STIM1: variants seen among roughly 807,000 people sequenced by gnomAD.
STIM1 encodes the protein stromal interaction molecule 1.
In STIM1, 25 loss-of-function variants were observed where a neutral mutation model predicts 74.7. The ratio of observed to expected loss-of-function variants is 0.33; its 90% CI spans 0.24 to 0.47. The LOEUF (loss-of-function observed/expected upper bound fraction) is 0.47. Among genes scored for constraint, STIM1 ranks in the 20% least tolerant of loss-of-function variants. STIM1 has a pLI of 1.00. For missense variants in STIM1, 728 were observed against 920.8 expected, an observed-to-expected ratio of 0.79 and a Z score of 2.71; for synonymous variants, 328 against 348.8, an observed-to-expected ratio of 0.94 and a Z score of 0.66.
At chr11:3,907,372 T>C (rs563550065) in intron 1 of STIM1, among the ~76,000 whole-genome samples, 136 of 152,354 alleles carry the variant, frequency 8.9e-4, no homozygotes, top group Non-Finnish European at 1.4e-3. Flanking sequence ...TCTAACCTCT[T>C]AATTAACATT....
intron 1 of STIM1, among the ~76,000 whole-genome samples, chr11:3,904,681 G>A (rs988846779): frequency 5.3e-5 from 8 of 152,110 alleles, no homozygotes; most frequent in Non-Finnish European, 8.8e-5. Context: ...GTGGTCATGG[G>A]GGTTGATTTA....
In STIM1 at chr11:3,912,188, C is replaced by A. The variant is rs532834920; in HGVS notation, c.140-55364C>A. On this transcript the variant is annotated intron_variant, in intron 1 of 12. Transcript: ENST00000526596. ...CCTCCCCTCTCCTCCTTTCTCCCCT[C>A]CCCTCCCTTCTCCCCTACCTTCTCC... is the stretch of plus-strand genomic sequence containing the variant. Among the ~76,000 whole-genome samples the A allele has an allele frequency of 5.9e-5, 6 of 102,412 alleles. No individual in the cohort carries two copies. In the South Asian group the frequency reaches 3.0e-3, roughly 52 times the overall value. The allele number at this position is 102,412 out of a possible 152,430, so 67.2% of individuals were successfully genotyped here.
chr11:3,991,053 T>C (rs752107758), intron 2 of STIM1, among the ~76,000 whole-genome samples: 8 of 152,178 alleles, frequency 5.3e-5, no homozygotes, highest in Admixed American at 6.5e-5. Flanking sequence ...AGTGAGAACA[T>C]GCAATATCTG....
chr11:3,902,132 C>T (rs539676890), intron 1 of STIM1, among the ~76,000 whole-genome samples: 75 of 152,236 alleles, frequency 4.9e-4, no homozygotes, highest in African/African-American at 1.8e-3. Flanking sequence ...AAACCAGACA[C>T]TGCCTCATGG....
chr11:3,953,958 T>C (rs891821221), intron 1 of STIM1, among the ~76,000 whole-genome samples: 5 of 151,970 alleles, frequency 3.3e-5, no homozygotes, highest in African/African-American at 1.2e-4. Flanking sequence ...AATTTTTGTA[T>C]TTTTTACAGA....
At chr11:3,964,206 T>C (rs1200520105) in intron 1 of STIM1, among the ~76,000 whole-genome samples, 1 of 152,234 alleles carries the variant, frequency 6.6e-6, no homozygotes, top group Non-Finnish European at 1.5e-5. Flanking sequence ...TAGTTATGTG[T>C]TGCTAAATGC....
chr11:3,856,215 G>T lies in STIM1; in HGVS notation c.-56G>T. ...GCTGCACTCCCGGGCTCCTGGCTTTGCCTCTGGGATCCCGAGGTGTCCACA... is the reference window on the plus strand; with the variant it reads ...GCTGCACTCCCGGGCTCCTGGCTTTTCCTCTGGGATCCCGAGGTGTCCACA... On this transcript the variant is annotated 5_prime_UTR_variant, in exon 1 of 13. Transcript: ENST00000526596. The T allele has an allele frequency of 6.2e-7, 1 of 1,611,170 alleles. No homozygotes were observed. Among genetic ancestry groups the T allele is most frequent in the Non-Finnish European group, 8.5e-7 (1 of 1,178,558 alleles).
At chr11:3,921,006 G>T (rs2092710650) in intron 1 of STIM1, among the ~76,000 whole-genome samples, 1 of 152,100 alleles carries the variant, frequency 6.6e-6, no homozygotes, top group Non-Finnish European at 1.5e-5. Context: ...ATGTTGACCA[G>T]GCTGGTTTTG....
At chr11:4,086,348 G>A (rs1005599768) in intron 11 of STIM1, 129 bp from the exon 12 acceptor site, 2 of 1,025,858 alleles carry the variant, frequency 1.9e-6, no homozygotes, top group Non-Finnish European at 2.9e-6. Context: ...GGGAGGAGGT[G>A]CCCCATTCTC....
intron 3 of STIM1, among the ~76,000 whole-genome samples, chr11:4,025,948 G>A (rs2093994843): frequency 6.6e-6 from 1 of 152,140 alleles, no homozygotes; most frequent in Non-Finnish European, 1.5e-5. Flanking sequence ...TACCCTATTA[G>A]AATTTGCTCA....
chr11:4,044,958 C>T lies in STIM1; in HGVS notation c.386-10568C>T, dbSNP rs558049346. Among the ~76,000 whole-genome samples the T allele has an allele frequency of 3.9e-5, 6 of 152,260 alleles. No individual in the cohort carries two copies. The South Asian group carries it at 1.2e-3, about 32-fold the overall frequency. ...ATGTTGTTAAACATCCTGCAATGCA[C>T]AGGACAGCCTCCACAACGAAGGATT... On this transcript the variant is annotated intron_variant, in intron 3 of 12. Transcript: ENST00000526596.
chr11:3,895,642 CTT>C (rs2092056139), intron 1 of STIM1, among the ~76,000 whole-genome samples: 4 of 9,022 alleles, frequency 4.4e-4, no homozygotes, highest in African/African-American at 1.0e-3. Flanking sequence ...TTCTTTCTTT[CTT>C]TCTTTCTTTC....
chr11:3,866,533 T>C (rs1364329338), intron 1 of STIM1, among the ~76,000 whole-genome samples: 7 of 151,974 alleles, frequency 4.6e-5, no homozygotes, highest in Non-Finnish European at 1.0e-4. Context: ...TTCCGGTGAT[T>C]CTCCTGCATC....
intron 1 of STIM1, among the ~76,000 whole-genome samples, chr11:3,884,879 A>G (rs2091646501): frequency 6.6e-6 from 1 of 152,196 alleles, no homozygotes; most frequent in South Asian, 2.1e-4. Flanking sequence ...TAAACCTTGA[A>G]AACATTATGC....
intron 2 of STIM1, among the ~76,000 whole-genome samples, chr11:4,002,306 G>A (rs1264483782): frequency 6.6e-5 from 10 of 152,022 alleles, no homozygotes; most frequent in African/African-American, 2.2e-4. Flanking sequence ...ACCACACCAT[G>A]CCTATTCCAA....
At chr11:3,994,396 T>G (rs1465108434) in intron 2 of STIM1, among the ~76,000 whole-genome samples, 1 of 152,128 alleles carries the variant, frequency 6.6e-6, no homozygotes, top group Non-Finnish European at 1.5e-5. Flanking sequence ...TAGATTAATG[T>G]TTTTCAAAAC....
chr11:3,950,042 T>C (rs1253425264), intron 1 of STIM1, among the ~76,000 whole-genome samples: 1 of 152,196 alleles, frequency 6.6e-6, no homozygotes, highest in Non-Finnish European at 1.5e-5. Flanking sequence ...ACAGAGTATA[T>C]AACCTTTTGG....
At chr11:3,867,008 A>G (rs373306866) in intron 1 of STIM1, 1 of 152,182 alleles carries the variant, frequency 6.6e-6, no homozygotes, top group South Asian at 2.1e-4. Context: ...TGCCCAGTAG[A>G]TATTTGTTGA....
chr11:3,991,950 CAAAAAAAAAAAAAAAAA>C (rs1230185435), intron 2 of STIM1, among the ~76,000 whole-genome samples: 4 of 36,702 alleles, frequency 1.1e-4, no homozygotes, highest in African/African-American at 4.1e-4. Context: ...AACTCCATCT[CAAAAAAAAAAAAAAAAA>C]AAAAAGAAAA....
Sources: allele counts gnomAD v4.1 joint callset (sites outside exome capture counted in the v4.1 genomes callset), GRCh38; gene constraint gnomAD v4.1.1; transcripts MANE v1.5; gene names NCBI Gene and HGNC (gene_info 2026-07-23, HGNC 2026-07-21).